ITGA8: variants seen among roughly 807,000 people sequenced by gnomAD.
The protein encoded by ITGA8 is integrin alpha-8.
In ITGA8, 91 loss-of-function variants were observed where a neutral mutation model predicts 142.3. The ratio of observed to expected loss-of-function variants is 0.64; its 90% CI spans 0.54 to 0.76. The LOEUF is 0.76. ITGA8 is among the 30% of genes least tolerant of loss of function. ITGA8 has a pLI of 0.00. For missense variants in ITGA8, 1,406 were observed against 1,327.7 expected (o/e 1.06, Z -0.92); for synonymous variants, 505 against 485.2 (o/e 1.04, Z -0.54).
intron 8 of ITGA8, among the ~76,000 whole-genome samples, chr10:15,663,018 A>C (rs12783536): frequency 0.098 from 14,912 of 152,204 alleles, 931 homozygotes; most frequent in East Asian, 0.29. Flanking sequence ...ACAATTAAAT[A>C]TTGTATGTAA....
intron 28 of ITGA8, among the ~76,000 whole-genome samples, chr10:15,520,431 C>T (rs1394359667): frequency 6.6e-6 from 1 of 152,130 alleles, no homozygotes; most frequent in Non-Finnish European, 1.5e-5. Context: ...CGCCAAAAAA[C>T]AAAAACACAA....
chr10:15,575,496 A>G lies in ITGA8; in HGVS notation c.2471T>C (p.Ile824Thr). The G allele has an allele frequency of 6.2e-7, 1 of 1,611,400 alleles. No individual in the cohort carries two copies. The highest frequency in any genetic ancestry group is 1.3e-5 in the African/African-American group (1 of 74,960). Residue 824 changes from isoleucine (I) to threonine (T), a missense_variant, in exon 24 of 30, where the codon ATT becomes ACT. Ile to Thr is a moderately conservative substitution (Grantham distance 89). Transcript: ENST00000378076. ...AACACAGACAATGGCTACCTCATAA[A>G]TATGTTCCACCAATGGTCCAACCTC... Reference protein sequence around the residue: ...EEEVGPLVEHIYELHNIGPST... With the variant: ...EEEVGPLVEHTYELHNIGPST...
chr10:15,659,205 T>C (rs1401166003), intron 9 of ITGA8, 150 bp from the exon 10 acceptor site: 4 of 471,298 alleles, frequency 8.5e-6, no homozygotes, highest in South Asian at 3.6e-5. Context: ...CACGGAATGA[T>C]CTTATTTAAA....
intron 6 of ITGA8, among the ~76,000 whole-genome samples, chr10:15,674,679 C>CCTGTAAA (rs1476921445): frequency 6.6e-6 from 1 of 152,132 alleles, no homozygotes; most frequent in Non-Finnish European, 1.5e-5. Context: ...TGCCTGTAAT[C>CCTGTAAA]CCAGAACTCT....
chr10:15,652,592 G>C (rs897615938), intron 11 of ITGA8, among the ~76,000 whole-genome samples: 1 of 152,078 alleles, frequency 6.6e-6, no homozygotes, highest in Non-Finnish European at 1.5e-5. Flanking sequence ...AAAAGGCTTT[G>C]ATTACAATTA....
rs560848403 is a variant in ITGA8, at chr10:15,528,944, CCCTT to C, written c.2982+2102_2982+2105del. Among the ~76,000 whole-genome samples the C allele has an allele frequency of 9.8e-4, 148 of 151,280 alleles. No homozygotes were observed. The East Asian group carries it at 0.011, about 11-fold the overall frequency. ...AACTGTGCACATCTATCTTTCTTCT[CCCTT>C]CCTTCCTTCCTTTCCTTCCTTCTTT... On this transcript the variant is annotated intron_variant, in intron 28 of 29. Coordinates refer to ENST00000378076, the MANE Select transcript of ITGA8 (RefSeq NM_003638.3).
At chr10:15,540,563 C>G (rs772398616) in intron 27 of ITGA8, among the ~76,000 whole-genome samples, 27 of 152,158 alleles carry the variant, frequency 1.8e-4, no homozygotes, top group Non-Finnish European at 2.9e-4. Flanking sequence ...GCTAAACTCA[C>G]TAAATCAGAA....
intron 27 of ITGA8, among the ~76,000 whole-genome samples, chr10:15,544,306 A>AAC (rs1298185198): frequency 2.6e-5 from 4 of 152,046 alleles, no homozygotes; most frequent in African/African-American, 9.7e-5. Flanking sequence ...TCTACCAAAA[A>AAC]AAAACAAAAC....
In ITGA8 at chr10:15,702,342, G is replaced by C. The variant is rs756511436; in HGVS notation, c.344-14304C>G. Among the ~76,000 whole-genome samples, 63 of 151,250 alleles carry C rather than the reference G, an allele frequency of 4.2e-4. 1 individual carries two copies. Among genetic ancestry groups the C allele is most frequent in the Non-Finnish European group, 2.8e-4 (19 of 67,930 alleles). On this transcript the variant is annotated intron_variant, in intron 2 of 29. Coordinates refer to ENST00000378076, the MANE Select transcript of ITGA8 (RefSeq NM_003638.3). ...TTTCATTCTTATCGCCCAGGCTAGAGTACAATGGCACTATCTTGGCTCACT... is the reference window on the plus strand; with the variant it reads ...TTTCATTCTTATCGCCCAGGCTAGACTACAATGGCACTATCTTGGCTCACT...
chr10:15,625,496 C>T (rs1203472535), intron 13 of ITGA8, among the ~76,000 whole-genome samples: 1 of 152,188 alleles, frequency 6.6e-6, no homozygotes, highest in African/African-American at 2.4e-5. Flanking sequence ...TCTACAGTAC[C>T]AGTGTCACTT....
At chr10:15,640,202 G>T (rs997884730) in intron 13 of ITGA8, among the ~76,000 whole-genome samples, 1 of 152,146 alleles carries the variant, frequency 6.6e-6, no homozygotes, top group African/African-American at 2.4e-5. Context: ...AAAACAAAGG[G>T]CCTCAATCCC....
chr10:15,598,250 A>G (rs1833041374), intron 20 of ITGA8, among the ~76,000 whole-genome samples: 1 of 152,186 alleles, frequency 6.6e-6, no homozygotes, highest in Admixed American at 6.5e-5. Context: ...TTTGGGGGGA[A>G]TTTCTGTCCC....
At chr10:15,626,334 C>T (rs1027646123) in intron 13 of ITGA8, among the ~76,000 whole-genome samples, 1 of 152,172 alleles carries the variant, frequency 6.6e-6, no homozygotes, top group Non-Finnish European at 1.5e-5. Flanking sequence ...AATTCTCCTG[C>T]CTTAGCCTCC....
Position 15,517,144 on chromosome 10 carries a change from C to CTT in ITGA8, c.*12_*13dup. On this transcript the variant is annotated 3_prime_UTR_variant, in exon 30 of 30. Transcript: ENST00000378076. ...ACCAGTGTTTGAGGTCTTTGGTCTTCTTTTTTTTTCTTGTCATGCCTCAGG... is the reference window on the plus strand; with the variant it reads ...ACCAGTGTTTGAGGTCTTTGGTCTTCTTTTTTTTTTTCTTGTCATGCCTCAGG... 2.6e-6 allele frequency: 4 copies of CTT among 1,559,692 alleles called. No individual in the cohort carries two copies. The highest frequency in any genetic ancestry group is 3.5e-6 in the Non-Finnish European group (4 of 1,139,250).
chr10:15,684,978 G>A (rs182311050), intron 3 of ITGA8, among the ~76,000 whole-genome samples: 2 of 152,174 alleles, frequency 1.3e-5, no homozygotes, highest in Admixed American at 6.5e-5. Context: ...ACTTTCATCT[G>A]GACGCACTTC....
At chr10:15,699,285 AAAAC>A (rs1038535779) in intron 2 of ITGA8, among the ~76,000 whole-genome samples, 36 of 152,332 alleles carry the variant, frequency 2.4e-4, no homozygotes, top group African/African-American at 7.7e-4. Context: ...CTGCATCTCA[AAAAC>A]AAACAAACAA....
intron 28 of ITGA8, among the ~76,000 whole-genome samples, chr10:15,521,761 A>C (rs1037041522): frequency 1.3e-5 from 2 of 152,238 alleles, no homozygotes; most frequent in African/African-American, 4.8e-5. Flanking sequence ...TGAGAAACGT[A>C]GTTCATACGT....
intron 27 of ITGA8, among the ~76,000 whole-genome samples, chr10:15,539,217 C>T (rs1005311340): frequency 2.0e-5 from 3 of 147,886 alleles, no homozygotes; most frequent in African/African-American, 5.0e-5. Context: ...CTACCTCAAA[C>T]GAGGCAACAG....
intron 26 of ITGA8, among the ~76,000 whole-genome samples, chr10:15,553,015 G>A (rs1833819825): frequency 6.6e-6 from 1 of 152,196 alleles, no homozygotes; most frequent in Non-Finnish European, 1.5e-5. Context: ...CCAGCACTTT[G>A]GGAGGACGAG....
Sources: gnomAD v4.1 joint callset for allele counts (sites outside exome capture counted in the v4.1 genomes callset) on GRCh38, gnomAD v4.1.1 for gene constraint, MANE v1.5 for transcripts, NCBI Gene and HGNC (gene_info 2026-07-23, HGNC 2026-07-21) for gene names.